GABRA3: variants seen among roughly 807,000 people sequenced by gnomAD.
GABRA3 encodes the protein gamma-aminobutyric acid type A receptor subunit alpha3.
A neutral mutation model predicts 30.1 loss-of-function variants in GABRA3; 10 were observed. That is an observed-to-expected ratio of 0.33 (90% CI 0.20 to 0.56). The LOEUF (loss-of-function observed/expected upper bound fraction) is 0.56. GABRA3 is among the 20% of genes least tolerant of loss of function. The probability of loss-of-function intolerance (pLI) is 0.89; values close to 1 mark genes in which losing one functional copy is unlikely to be tolerated. For synonymous variants in GABRA3, 151 were observed against 146.8 expected (o/e 1.03, Z -0.21); for missense variants, 233 against 392.0 (o/e 0.59, Z 3.42).
In GABRA3 at chrX:152,167,019, T is replaced by C; in HGVS notation, c.*1209A>G. 1 of 111,931 alleles carries C rather than the reference T, an allele frequency of 8.9e-6. No homozygotes were observed. Among genetic ancestry groups the C allele is most frequent in the East Asian group, 2.8e-4 (1 of 3,584 alleles). 9.2% of individuals were successfully genotyped at this position (111,931 alleles called of 1,213,427 possible). On this transcript the variant is annotated 3_prime_UTR_variant, in exon 10 of 10. Transcript: ENST00000370314. ...TTAAGAACAAATGGCCTCTAAATAA[T>C]ATATTATAAAATTGGCAATAAAGTT...
At chrX:152,250,210 T>C (rs1938528944) in intron 5 of GABRA3, among the ~76,000 whole-genome samples, 1 of 111,212 alleles carries the variant, frequency 9.0e-6, no homozygotes, top group Non-Finnish European at 1.9e-5. Context: ...TTCTATCACA[T>C]TTTGCACCTC....
At chrX:152,275,122 C>A (rs866418910) in intron 4 of GABRA3, among the ~76,000 whole-genome samples, 6 of 56,284 alleles carry the variant, frequency 1.1e-4, no homozygotes, top group South Asian at 7.3e-4. Flanking sequence ...TTAATTTAAA[C>A]ATTAAATATA....
intron 3 of GABRA3, among the ~76,000 whole-genome samples, chrX:152,329,543 C>T (rs753663697): frequency 1.2e-3 from 132 of 111,664 alleles, no homozygotes; most frequent in Admixed American, 0.011. Context: ...AATAATACCA[C>T]ACATCTTCAA....
intron 9 of GABRA3, among the ~76,000 whole-genome samples, chrX:152,176,640 T>C (rs1313003331): frequency 9.0e-6 from 1 of 110,964 alleles, no homozygotes; most frequent in African/African-American, 3.3e-5. Flanking sequence ...GAAGAGCAGG[T>C]TTAGGGGGAA....
intron 3 of GABRA3, among the ~76,000 whole-genome samples, chrX:152,299,145 A>G (rs73623051): frequency 0.22 from 24,497 of 110,827 alleles, 2,596 homozygotes; most frequent in African/African-American, 0.42. Context: ...AGATATAGTT[A>G]TTTTAAATAA....
chrX:152,362,447 G>A (rs1411324643), intron 2 of GABRA3, among the ~76,000 whole-genome samples: 2 of 111,316 alleles, frequency 1.8e-5, no homozygotes, highest in African/African-American at 6.5e-5. Flanking sequence ...TAGCAAGGTG[G>A]GTAGAAGCTG....
intron 4 of GABRA3, among the ~76,000 whole-genome samples, chrX:152,259,196 G>A (rs1267143266): frequency 8.9e-6 from 1 of 111,924 alleles, no homozygotes; most frequent in African/African-American, 3.3e-5. Context: ...TAGCCAGAGG[G>A]GAATCACTGA....
chrX:152,321,635 G>A (rs1249858046), intron 3 of GABRA3, among the ~76,000 whole-genome samples: 1 of 111,656 alleles, frequency 9.0e-6, no homozygotes, highest in Non-Finnish European at 1.9e-5. Context: ...CTCTTGGGCA[G>A]AAAGTGAAAC....
intron 1 of GABRA3, among the ~76,000 whole-genome samples, chrX:152,406,461 G>C (rs1250077199): frequency 9.9e-6 from 1 of 100,880 alleles, no homozygotes; most frequent in East Asian, 3.1e-4. Context: ...TAGATTTCAA[G>C]ACAAAAAAAA....
intron 3 of GABRA3, among the ~76,000 whole-genome samples, chrX:152,342,520 G>T (rs1235307490): frequency 1.8e-5 from 2 of 110,140 alleles, no homozygotes; most frequent in Non-Finnish European, 3.8e-5. Context: ...ATATCCTTAG[G>T]CTTATTAGCG....
intron 5 of GABRA3, among the ~76,000 whole-genome samples, chrX:152,254,320 G>C (rs1938603289): frequency 9.1e-6 from 1 of 109,956 alleles, no homozygotes; most frequent in African/African-American, 3.3e-5. Flanking sequence ...TATCTCTTTA[G>C]AATATCCTAA....
intron 6 of GABRA3, among the ~76,000 whole-genome samples, chrX:152,217,046 G>C (rs147412442): frequency 0.024 from 2,675 of 110,900 alleles, 43 homozygotes; most frequent in Middle Eastern, 0.069. Context: ...ATGGAAACTG[G>C]TACTATATTG....
At chrX:152,202,544 G>A (rs112601174) in intron 7 of GABRA3, among the ~76,000 whole-genome samples, 3 of 111,101 alleles carry the variant, frequency 2.7e-5, no homozygotes, top group Non-Finnish European at 5.7e-5. Context: ...ACGTATCTTC[G>A]ATAATTAAAA....
chrX:152,210,853 G>C (rs1211912443), intron 6 of GABRA3, among the ~76,000 whole-genome samples: 2 of 110,785 alleles, frequency 1.8e-5, no homozygotes, highest in Non-Finnish European at 3.8e-5. Flanking sequence ...TTGATTTGTG[G>C]ACCTTTAAAC....
intron 1 of GABRA3, among the ~76,000 whole-genome samples, chrX:152,383,973 CAAA>C (rs34355005): frequency 7.2e-4 from 53 of 73,184 alleles, no homozygotes; most frequent in African/African-American, 2.2e-3. Flanking sequence ...GACTCCACCA[CAAA>C]AAAAAAAAAA....
rs990017063 is a variant in GABRA3, at chrX:152,383,574, A to G, written c.-26-18978T>C. Among the ~76,000 whole-genome samples the G allele has an allele frequency of 4.6e-5, 5 of 109,361 alleles. No homozygotes were observed. The Admixed American group carries it at 4.9e-4, about 11-fold the overall frequency. The allele number at this position is 109,361 out of a possible 115,157, so 95.0% of individuals were successfully genotyped here. On this transcript the variant is annotated intron_variant, in intron 1 of 9. Transcript: ENST00000370314. ...TCTACTAGAATGCAAAGATGGTTTA[A>G]CATATGCAAATCAAAAATTTATAAT...
intron 3 of GABRA3, among the ~76,000 whole-genome samples, chrX:152,317,088 C>T (rs887763776): frequency 3.6e-5 from 4 of 111,856 alleles, no homozygotes; most frequent in African/African-American, 1.3e-4. Context: ...AATTCACCAA[C>T]CAAGTATCTG....
At position 152,205,895 on chromosome X, in the gene GABRA3, G is replaced by T. The variant is rs1383776786; in HGVS notation, c.778+2106C>A. Among the ~76,000 whole-genome samples the T allele has an allele frequency of 6.2e-5, 7 of 112,623 alleles. No individual in the cohort carries two copies. In the East Asian group the frequency reaches 2.0e-3, roughly 31 times the overall value. Reference sequence around the variant, plus strand: ...ATGTAAAACAATCAGTTAATGTACCGAAATCTTCTAAGATATTTCTAGAAA... The same window carrying T: ...ATGTAAAACAATCAGTTAATGTACCTAAATCTTCTAAGATATTTCTAGAAA... On this transcript the variant is annotated intron_variant, in intron 7 of 9. Transcript: ENST00000370314.
At position 152,311,277 on chromosome X, in the gene GABRA3, T is replaced by C. The variant is rs148629560; in HGVS notation, c.263-26542A>G. ...TGCAAAAAGAAAGCTTCAGCCAATA[T>C]CCCTGATAAACATAGATGCAAAAAT... On this transcript the variant is annotated intron_variant, in intron 3 of 9. Transcript: ENST00000370314. Among the ~76,000 whole-genome samples, 447 of 111,165 alleles carry C rather than the reference T, an allele frequency of 4.0e-3. 29 individuals are homozygous for C. The East Asian group carries it at 0.12, about 30-fold the overall frequency.
Sources: gnomAD v4.1 joint callset for allele counts (sites outside exome capture counted in the v4.1 genomes callset) on GRCh38, gnomAD v4.1.1 for gene constraint, MANE v1.5 for transcripts, NCBI Gene and HGNC (gene_info 2026-07-23, HGNC 2026-07-21) for gene names.